Variants in LCLAT1 observed in about 807,000 individuals in gnomAD.
LCLAT1 encodes 1-AGP acyltransferase 8.
Under a neutral mutation model 30.7 loss-of-function variants are expected in LCLAT1, and 11 were observed. The observed-to-expected ratio is 0.36, with a 90% CI of 0.23 to 0.59. The LOEUF is 0.59. LCLAT1 is among the 20% of genes least tolerant of loss of function. The probability of loss-of-function intolerance (pLI) is 0.77; values close to 1 mark genes in which losing one functional copy is unlikely to be tolerated. For synonymous variants in LCLAT1, 155 were observed against 151.3 expected, an observed-to-expected ratio of 1.02 and a Z score of -0.18; for missense variants, 402 against 458.6, an observed-to-expected ratio of 0.88 and a Z score of 1.13.
intron 5 of LCLAT1, chr2:30,606,015 G>A: frequency 7.7e-7 from 1 of 1,297,664 alleles, no homozygotes; most frequent in Non-Finnish European, 1.0e-6. Flanking sequence ...CTGTTGATCA[G>A]GCAGGAGGCA....
rs1420057832 is a variant in LCLAT1 at position 30,640,188 on chromosome 2, C to T, written c.700C>T (p.Leu234Phe). The T allele has an allele frequency of 6.2e-7, 1 of 1,614,174 alleles. No individual in the cohort carries two copies. Among genetic ancestry groups the T allele is most frequent in the East Asian group, 2.2e-5 (1 of 44,890 alleles). Residue 234 changes from leucine (L) to phenylalanine (F), a missense_variant, in exon 6 of 6, where the codon CTC (leucine) becomes TTC (phenylalanine). Physicochemically the swap from Leu to Phe is conservative, Grantham distance 22. Transcript: ENST00000379509. ...PHNIPQSEKH[L>F]LQGDFPREIH... ...CAACATTCCTCAATCAGAGAAGCAC[C>T]TCCTCCAAGGAGACTTTCCCAGGGA...
chr2:30,504,733 C>G (rs1275225628), intron 1 of LCLAT1, among the ~76,000 whole-genome samples: 3 of 152,092 alleles, frequency 2.0e-5, no homozygotes, highest in African/African-American at 7.2e-5. Flanking sequence ...CCTTTTAACC[C>G]TATAAGTAAC....
At chr2:30,611,808 C>G (rs1041759989) in intron 5 of LCLAT1, among the ~76,000 whole-genome samples, 3 of 152,078 alleles carry the variant, frequency 2.0e-5, no homozygotes, top group East Asian at 1.9e-4. Flanking sequence ...AGGAGGATGA[C>G]GCAGAACTCA....
At chr2:30,600,885 C>G (rs1002644055) in intron 5 of LCLAT1, among the ~76,000 whole-genome samples, 14 of 152,162 alleles carry the variant, frequency 9.2e-5, no homozygotes, top group African/African-American at 3.4e-4. Flanking sequence ...CGTTTTCCAA[C>G]TTGGTTCCAT....
chr2:30,616,006 T>G (rs1325143489), intron 5 of LCLAT1, among the ~76,000 whole-genome samples: 1 of 152,150 alleles, frequency 6.6e-6, no homozygotes, highest in Non-Finnish European at 1.5e-5. Context: ...GAGGGAGAGT[T>G]GTGGTCTCCA....
intron 1 of LCLAT1, among the ~76,000 whole-genome samples, chr2:30,514,771 C>T (rs1053255168): frequency 5.9e-5 from 9 of 152,144 alleles, no homozygotes; most frequent in African/African-American, 2.2e-4. Flanking sequence ...GGGATTTTTG[C>T]CAACAAGTCC....
intron 1 of LCLAT1, among the ~76,000 whole-genome samples, chr2:30,511,720 TA>T (rs1231245164): frequency 6.6e-6 from 1 of 152,214 alleles, no homozygotes; most frequent in African/African-American, 2.4e-5. Flanking sequence ...GACCATGCCC[TA>T]AACTGTGCAT....
At chr2:30,447,976 A>G (rs375041699) in intron 1 of LCLAT1, among the ~76,000 whole-genome samples, 2 of 151,224 alleles carry the variant, frequency 1.3e-5, no homozygotes, top group Admixed American at 1.3e-4. Flanking sequence ...GCGGATGCCA[A>G]ACCTGATCTT....
At chr2:30,586,058 C>T (rs1375064786) in intron 5 of LCLAT1, among the ~76,000 whole-genome samples, 1 of 151,762 alleles carries the variant, frequency 6.6e-6, no homozygotes, top group African/African-American at 2.4e-5. Flanking sequence ...CTGGCTAACA[C>T]GTGAAACCCC....
At chr2:30,615,621 G>A (rs1361118884) in intron 5 of LCLAT1, among the ~76,000 whole-genome samples, 2 of 152,072 alleles carry the variant, frequency 1.3e-5, no homozygotes, top group Non-Finnish European at 2.9e-5. Context: ...CAAAACTTGT[G>A]CCTAATAGGC....
chr2:30,601,830 A>T (rs1022909761), intron 5 of LCLAT1, among the ~76,000 whole-genome samples: 47 of 151,572 alleles, frequency 3.1e-4, no homozygotes, highest in African/African-American at 1.1e-3. Flanking sequence ...ATCTATAGAT[A>T]GATATATTTA....
At chr2:30,453,013 T>G (rs997583881) in intron 1 of LCLAT1, among the ~76,000 whole-genome samples, 1 of 152,200 alleles carries the variant, frequency 6.6e-6, no homozygotes, top group African/African-American at 2.4e-5. Flanking sequence ...AGTTGAGTTC[T>G]GAAGACTTCA....
At chr2:30,608,790 C>T (rs918092921) in intron 5 of LCLAT1, among the ~76,000 whole-genome samples, 2 of 152,114 alleles carry the variant, frequency 1.3e-5, no homozygotes, top group African/African-American at 4.8e-5. Context: ...AGACACATCT[C>T]TCAGAACATA....
intron 4 of LCLAT1, among the ~76,000 whole-genome samples, chr2:30,562,767 C>G (rs1572629987): frequency 1.3e-5 from 2 of 152,064 alleles, no homozygotes; most frequent in South Asian, 4.2e-4. Context: ...TTTATCCTCC[C>G]CTACCTGTTG....
At chr2:30,609,916 C>T (rs989050102) in intron 5 of LCLAT1, among the ~76,000 whole-genome samples, 1 of 152,108 alleles carries the variant, frequency 6.6e-6, no homozygotes, top group Non-Finnish European at 1.5e-5. Context: ...GACTTAAAAT[C>T]ATTATCATAA....
chr2:30,554,426 T>C (rs1391150060), intron 3 of LCLAT1, among the ~76,000 whole-genome samples: 1 of 152,216 alleles, frequency 6.6e-6, no homozygotes, highest in African/African-American at 2.4e-5. Context: ...AAGATTCAAG[T>C]ATCTATGCAG....
chr2:30,547,456 G>T (rs988106182), intron 3 of LCLAT1, among the ~76,000 whole-genome samples: 2 of 152,158 alleles, frequency 1.3e-5, no homozygotes, highest in African/African-American at 4.8e-5. Flanking sequence ...TCCTATGACA[G>T]AGAATGAAAA....
rs971162965 is a variant in LCLAT1 at position 30,619,789 on chromosome 2, T to C, written c.629-20328T>C. On this transcript the variant is annotated intron_variant, in intron 5 of 5. Coordinates refer to ENST00000379509, the MANE Select transcript of LCLAT1 (RefSeq NM_001002257.3). ...GAGCTTATCTTTGCCTTCTTCCCTT[T>C]AAGTTTTTCCCCCCAATCCTTAGTC... is the stretch of plus-strand genomic sequence containing the variant. 2.0e-5 allele frequency among the ~76,000 whole-genome samples: 3 copies of C among 152,250 alleles called. No individual in the cohort carries two copies. The East Asian group carries it at 5.8e-4, about 29-fold the overall frequency.
intron 5 of LCLAT1, among the ~76,000 whole-genome samples, chr2:30,599,108 A>G (rs557198163): frequency 1.4e-4 from 21 of 152,078 alleles, no homozygotes; most frequent in Admixed American, 5.2e-4. Context: ...CAGCCTCCCA[A>G]GTAGCTGGGA....
Sources: allele counts gnomAD v4.1 joint callset (sites outside exome capture counted in the v4.1 genomes callset), GRCh38; gene constraint gnomAD v4.1.1; transcripts MANE v1.5; gene names NCBI Gene and HGNC (gene_info 2026-07-23, HGNC 2026-07-21).